The following RNLS variants were observed in gnomAD, a reference collection of about 807,000 sequenced individuals.
The protein encoded by RNLS is renalase.
RNLS carries 39 observed loss-of-function variants against 39.8 expected under a neutral mutation model. The ratio of observed to expected loss-of-function variants is 0.98; its 90% CI spans 0.76 to 1.28. RNLS has a LOEUF of 1.28. RNLS is among the 50% of genes most tolerant of loss of function. The pLI, the probability that RNLS is intolerant of heterozygous loss-of-function variation, is 0.00. For missense variants in RNLS, 410 were observed against 413.3 expected (o/e 0.99, Z 0.07); for synonymous variants, 147 against 150.7 (o/e 0.98, Z 0.18).
the RNLS span, among the ~76,000 whole-genome samples, chr10:88,241,043 G>A: frequency 6.7e-6 from 1 of 149,822 alleles, no homozygotes; most frequent in African/African-American, 2.4e-5. Context: ...TATTTTCTAT[G>A]ATATTTATAT....
downstream of RNLS, among the ~76,000 whole-genome samples, chr10:88,268,931 C>T (rs1168341761): frequency 6.6e-6 from 1 of 152,220 alleles, no homozygotes; most frequent in Non-Finnish European, 1.5e-5. Flanking sequence ...ACCACTCCAG[C>T]ACATGGTGGC....
At chr10:88,563,957 T>C (rs1262868493) in intron 4 of RNLS, among the ~76,000 whole-genome samples, 1 of 152,238 alleles carries the variant, frequency 6.6e-6, no homozygotes, top group Admixed American at 6.5e-5. Context: ...TGTGGTTGTA[T>C]TTTAGAATTT....
intron 4 of RNLS, among the ~76,000 whole-genome samples, chr10:88,519,390 C>T (rs1010618739): frequency 6.6e-6 from 1 of 151,486 alleles, no homozygotes; most frequent in Non-Finnish European, 1.5e-5. Context: ...ATTATCATTC[C>T]CTTAATCTTA....
At chr10:88,365,959 G>T (rs1298166203) in intron 4 of RNLS, among the ~76,000 whole-genome samples, 1 of 151,946 alleles carries the variant, frequency 6.6e-6, no homozygotes, top group Non-Finnish European at 1.5e-5. Context: ...TACATTTTTT[G>T]GTGACAATCA....
chr10:88,260,072 G>T, the RNLS span, among the ~76,000 whole-genome samples: 1 of 152,154 alleles, frequency 6.6e-6, no homozygotes, highest in South Asian at 2.1e-4. Context: ...AAAGAATTTG[G>T]TTTGGGCCTA....
At chr10:88,368,046 G>A (rs1850262039) in intron 4 of RNLS, among the ~76,000 whole-genome samples, 1 of 150,388 alleles carries the variant, frequency 6.6e-6, no homozygotes, top group Non-Finnish European at 1.5e-5. Context: ...TCTGTGTCCT[G>A]CTTAAGATGT....
intron 6 of RNLS, among the ~76,000 whole-genome samples, chr10:88,298,017 C>T (rs943935503): frequency 6.6e-6 from 1 of 152,086 alleles, no homozygotes; most frequent in Non-Finnish European, 1.5e-5. Flanking sequence ...TGTAGCCATC[C>T]TAATGGTAGT....
In RNLS at chr10:88,465,514, G is replaced by A. The variant is rs180679424; in HGVS notation, c.527-102789C>T. Among the ~76,000 whole-genome samples, 299 of 152,184 alleles carry A rather than the reference G, an allele frequency of 2.0e-3. 5 individuals are homozygous for A. The South Asian group carries it at 0.037, about 19-fold the overall frequency. ...TATGTGCAGTGCCAGTAAAAAGAGTGAGGAGAGAGGCAAGAGGATCACTTG... is the reference window on the plus strand; with the variant it reads ...TATGTGCAGTGCCAGTAAAAAGAGTAAGGAGAGAGGCAAGAGGATCACTTG... On this transcript the variant is annotated intron_variant, in intron 4 of 6. Coordinates refer to ENST00000331772, the MANE Select transcript of RNLS (RefSeq NM_001031709.3).
At chr10:88,427,534 G>T (rs574695165) in intron 4 of RNLS, among the ~76,000 whole-genome samples, 1 of 152,002 alleles carries the variant, frequency 6.6e-6, no homozygotes, top group East Asian at 1.9e-4. Flanking sequence ...CCAGATGCAG[G>T]CATGAAAATC....
intron 4 of RNLS, among the ~76,000 whole-genome samples, chr10:88,510,442 C>A (rs1011609894): frequency 6.6e-6 from 1 of 152,054 alleles, no homozygotes; most frequent in African/African-American, 2.4e-5. Context: ...AGCTTCAGAA[C>A]AAAGTTTTTG....
At chr10:88,531,136 T>C (rs1031461618) in intron 4 of RNLS, among the ~76,000 whole-genome samples, 8 of 152,086 alleles carry the variant, frequency 5.3e-5, no homozygotes, top group African/African-American at 1.9e-4. Context: ...TATTTATAAG[T>C]AGAGGAACCA....
chr10:88,350,386 C>T (rs1209319148), intron 5 of RNLS, among the ~76,000 whole-genome samples: 2 of 152,114 alleles, frequency 1.3e-5, no homozygotes, highest in African/African-American at 2.4e-5. Flanking sequence ...CCCCCCTCCT[C>T]CCACCCCATG....
At chr10:88,378,948 C>A (rs1235561469) in intron 4 of RNLS, among the ~76,000 whole-genome samples, 1 of 152,038 alleles carries the variant, frequency 6.6e-6, no homozygotes, top group Non-Finnish European at 1.5e-5. Flanking sequence ...ATACATAAAC[C>A]AGTAACATAG....
intron 4 of RNLS, among the ~76,000 whole-genome samples, chr10:88,542,954 AATG>A (rs977515874): frequency 9.5e-5 from 5 of 52,864 alleles, no homozygotes; most frequent in African/African-American, 5.8e-4. Flanking sequence ...AACACACAAC[AATG>A]AGGACAAAGT....
the RNLS span, among the ~76,000 whole-genome samples, chr10:88,248,048 T>G: frequency 1.3e-5 from 2 of 152,262 alleles, no homozygotes; most frequent in African/African-American, 2.4e-5. Context: ...AACTGTAAGA[T>G]GATACGTACA....
At chr10:88,571,181 T>A (rs1849812367) in intron 4 of RNLS, among the ~76,000 whole-genome samples, 1 of 151,940 alleles carries the variant, frequency 6.6e-6, no homozygotes, top group African/African-American at 2.4e-5. Flanking sequence ...GAGGTCTTGC[T>A]ATATTTCCCA....
At chr10:88,198,367 G>A in the RNLS span, among the ~76,000 whole-genome samples, 3,232 of 152,298 alleles carry the variant, frequency 0.021, 42 homozygotes, top group Middle Eastern at 0.037. Flanking sequence ...GCAGCCCAAC[G>A]TTATTAGAGG....
chr10:88,413,991 C>A (rs1353873866), intron 4 of RNLS, among the ~76,000 whole-genome samples: 1 of 152,122 alleles, frequency 6.6e-6, no homozygotes, highest in South Asian at 2.1e-4. Flanking sequence ...ACATGGGAAA[C>A]ACTTTCTATC....
chr10:88,252,475 C>T, the RNLS span, among the ~76,000 whole-genome samples: 2 of 152,292 alleles, frequency 1.3e-5, no homozygotes, highest in East Asian at 1.9e-4. Flanking sequence ...CCAGACCTCA[C>T]GAGGTGGGTG....
Sources: allele counts gnomAD v4.1 joint callset (sites outside exome capture counted in the v4.1 genomes callset), GRCh38; gene constraint gnomAD v4.1.1; transcripts MANE v1.5; gene names NCBI Gene and HGNC (gene_info 2026-07-23, HGNC 2026-07-21).